Variants in ADAMTSL3 observed in about 807,000 individuals in gnomAD.
ADAMTSL3 encodes ADAMTS like 3.
A neutral mutation model predicts 201.7 loss-of-function variants in ADAMTSL3; 128 were observed. The ratio of observed to expected loss-of-function variants is 0.63; its 90% CI spans 0.55 to 0.73. The LOEUF is 0.73. ADAMTSL3 is among the 30% of genes least tolerant of loss of function. ADAMTSL3 has a pLI of 0.00. For missense variants in ADAMTSL3, 1,990 were observed against 2,119.6 expected, an observed-to-expected ratio of 0.94 and a Z score of 1.20; for synonymous variants, 738 against 748.4, an observed-to-expected ratio of 0.99 and a Z score of 0.23.
At chr15:83,946,648 T>G (rs1234782391) in intron 19 of ADAMTSL3, among the ~76,000 whole-genome samples, 1 of 152,192 alleles carries the variant, frequency 6.6e-6, no homozygotes, top group African/African-American at 2.4e-5. Context: ...CAAAGTGGTG[T>G]TGAAATAGTG....
At chr15:83,780,811 A>G (rs573715384) in intron 4 of ADAMTSL3, among the ~76,000 whole-genome samples, 2 of 152,212 alleles carry the variant, frequency 1.3e-5, no homozygotes, top group Non-Finnish European at 2.9e-5. Context: ...TTATACACCA[A>G]CAGTCAAGCC....
intron 17 of ADAMTSL3, among the ~76,000 whole-genome samples, chr15:83,932,122 G>C (rs2066370093): frequency 6.6e-6 from 1 of 152,078 alleles, no homozygotes; most frequent in Admixed American, 6.6e-5. Flanking sequence ...GAAGACAAAG[G>C]AATAATATCT....
chr15:83,852,405 C>A (rs989374981), intron 7 of ADAMTSL3, among the ~76,000 whole-genome samples: 6 of 152,172 alleles, frequency 3.9e-5, no homozygotes, highest in South Asian at 4.1e-4. Context: ...TGAGCCACTG[C>A]ACCCAGTTGG....
chr15:83,683,161 T>C (rs907983642), intron 2 of ADAMTSL3, among the ~76,000 whole-genome samples: 4 of 152,232 alleles, frequency 2.6e-5, no homozygotes, highest in East Asian at 1.9e-4. Context: ...TGATACTTGC[T>C]CAGACCTTCT....
At chr15:83,921,979 T>C (rs1257883997) in intron 16 of ADAMTSL3, among the ~76,000 whole-genome samples, 2 of 152,226 alleles carry the variant, frequency 1.3e-5, no homozygotes, top group African/African-American at 4.8e-5. Flanking sequence ...TAAGGGATGT[T>C]GCCTCATGCT....
chr15:84,003,940 G>C (rs533088195), intron 23 of ADAMTSL3, among the ~76,000 whole-genome samples: 6 of 152,272 alleles, frequency 3.9e-5, no homozygotes, highest in Non-Finnish European at 8.8e-5. Flanking sequence ...CTGAGGGAAA[G>C]GGAATTTTGT....
rs1005196326 is a variant in ADAMTSL3, at chr15:83,942,072, G to C, written c.2118-524G>C. On this transcript the variant is annotated intron_variant, in intron 17 of 29. Transcript: ENST00000286744. Reference sequence around the variant, plus strand: ...GCTGCCCTGGTTTTTCATTTTTACAGATGTTTTATGAGAAAACCTGATTTT... The same window carrying C: ...GCTGCCCTGGTTTTTCATTTTTACACATGTTTTATGAGAAAACCTGATTTT... Among the ~76,000 whole-genome samples the C allele has an allele frequency of 4.6e-5, 7 of 152,208 alleles. No individual in the cohort carries two copies. The East Asian group carries it at 1.4e-3, about 29-fold the overall frequency.
chr15:84,014,776 A>G (rs1220982901), intron 24 of ADAMTSL3, 52 bp downstream of exon 24: 1 of 1,513,830 alleles, frequency 6.6e-7, no homozygotes, highest in Admixed American at 2.3e-5. Context: ...ATATGCACAA[A>G]GTAGGCCCCA....
chr15:83,903,535 G>A (rs79349825), intron 15 of ADAMTSL3, among the ~76,000 whole-genome samples: 8,532 of 152,148 alleles, frequency 0.056, 396 homozygotes, highest in Admixed American at 0.14. Context: ...AGGGGAGTGG[G>A]CATATCCAAG....
intron 19 of ADAMTSL3, among the ~76,000 whole-genome samples, chr15:83,970,089 G>T (rs1292063458): frequency 6.6e-6 from 1 of 151,770 alleles, no homozygotes; most frequent in Non-Finnish European, 1.5e-5. Flanking sequence ...ACTATTAAAA[G>T]GGTCAAATTT....
In ADAMTSL3 at chr15:83,819,791, C is replaced by A. The variant is rs189771247; in HGVS notation, c.364-20C>A. On this transcript the variant is annotated intron_variant, in intron 5 of 29. Coordinates refer to ENST00000286744, the MANE Select transcript of ADAMTSL3 (RefSeq NM_207517.3). ...CTCTCACTGGGTGATGTGCATGTGG[C>A]CTTTTCCCTCTGCCCCCAGGACTGC... The A allele has an allele frequency of 7.8e-5, 125 of 1,595,520 alleles. No homozygotes were observed. In the African/African-American group the frequency reaches 1.5e-3, roughly 19 times the overall value.
intron 7 of ADAMTSL3, 51 bp downstream of exon 7, chr15:83,838,266 ACTGT>A (rs758151837): frequency 5.7e-6 from 9 of 1,582,848 alleles, no homozygotes; most frequent in Middle Eastern, 1.7e-4. Flanking sequence ...TATATTTTAG[ACTGT>A]CTATTGCTAG....
At chr15:83,803,102 C>A (rs11857714) in intron 4 of ADAMTSL3, among the ~76,000 whole-genome samples, 52,743 of 151,934 alleles carry the variant, frequency 0.35, 10,574 homozygotes, top group South Asian at 0.56. Flanking sequence ...AAATGCTTAT[C>A]ATATTAGATT....
intron 19 of ADAMTSL3, among the ~76,000 whole-genome samples, chr15:83,968,960 A>G (rs2067140737): frequency 6.6e-6 from 1 of 152,170 alleles, no homozygotes; most frequent in Admixed American, 6.5e-5. Context: ...CAATGAGAAC[A>G]CATGGACGCA....
intron 9 of ADAMTSL3, among the ~76,000 whole-genome samples, chr15:83,873,907 A>G (rs1290318485): frequency 6.9e-6 from 1 of 145,268 alleles, no homozygotes; most frequent in African/African-American, 2.6e-5. Context: ...TAGGGTTATT[A>G]TTATTTTTAG....
At chr15:83,911,641 T>C (rs1273148481) in intron 15 of ADAMTSL3, among the ~76,000 whole-genome samples, 2 of 152,294 alleles carry the variant, frequency 1.3e-5, no homozygotes, top group Middle Eastern at 3.4e-3. Context: ...ATGAACAACA[T>C]GTTTTGTGTT....
At chr15:83,701,161 G>A (rs191963507) in intron 2 of ADAMTSL3, among the ~76,000 whole-genome samples, 4 of 152,278 alleles carry the variant, frequency 2.6e-5, no homozygotes, top group Admixed American at 2.0e-4. Context: ...TTCCCAAGCA[G>A]GGGGAGTGAG....
chr15:83,994,331 C>A (rs1332171966), intron 23 of ADAMTSL3, among the ~76,000 whole-genome samples: 3 of 152,220 alleles, frequency 2.0e-5, no homozygotes, highest in African/African-American at 7.2e-5. Flanking sequence ...CTGTGGATGG[C>A]ACCTGACATC....
chr15:83,743,498 A>C (rs1004234121), intron 3 of ADAMTSL3, among the ~76,000 whole-genome samples: 5 of 142,440 alleles, frequency 3.5e-5, no homozygotes, highest in African/African-American at 1.1e-4. Flanking sequence ...CCGGCCTGGG[A>C]GACAGAGCGA....
Sources: allele counts gnomAD v4.1 joint callset (sites outside exome capture counted in the v4.1 genomes callset), GRCh38; gene constraint gnomAD v4.1.1; transcripts MANE v1.5; gene names NCBI Gene and HGNC (gene_info 2026-07-23, HGNC 2026-07-21).